Variants in HDAC3 observed in about 807,000 individuals in gnomAD.
HDAC3 encodes SMAP45.
In HDAC3, 21 loss-of-function variants were observed where a neutral mutation model predicts 62.3. The observed-to-expected ratio is 0.34, with a 90% CI of 0.24 to 0.49. The LOEUF is 0.49. HDAC3 is among the 20% of genes least tolerant of loss of function. The pLI is 0.99. For missense variants in HDAC3, 270 were observed against 556.9 expected (o/e 0.48, Z 5.19); for synonymous variants, 198 against 206.5 (o/e 0.96, Z 0.35).
At position 141,625,173 on chromosome 5, in the gene HDAC3, C is replaced by G; in HGVS notation, c.1217+35G>C. On this transcript the variant is annotated intron_variant, in intron 14 of 14. Coordinates refer to ENST00000305264, the MANE Select transcript of HDAC3 (RefSeq NM_003883.4). This position sits in a 1 kb window ranked among gnomAD's most constrained non-coding sequence, Gnocchi z 4.0. ...TCCCTTTTAAACCTCCCCAGCAAGC[C>G]TATTGAAAGTAGGCTGAAGTCCCTG... 2 of 1,571,018 alleles carry G rather than the reference C, an allele frequency of 1.3e-6. No homozygotes were observed. The highest frequency in any genetic ancestry group is 2.4e-5 in the South Asian group (2 of 84,608).
chr5:141,631,990 G>A (rs1399071295), intron 3 of HDAC3, among the ~76,000 whole-genome samples: 1 of 151,812 alleles, frequency 6.6e-6, no homozygotes, highest in African/African-American at 2.4e-5. Context: ...CTGGGCAGAG[G>A]GATTTATGGG....
At chr5:141,636,185 G>T in intron 2 of HDAC3, 1 of 271,926 alleles carries the variant, frequency 3.7e-6, no homozygotes, top group East Asian at 7.0e-5. Flanking sequence ...CTCACACCCT[G>T]ATACAGTGAT....
chr5:141,636,460 G>T, intron 2 of HDAC3, 88 bp downstream of exon 2: 1 of 1,179,738 alleles, frequency 8.5e-7, no homozygotes, highest in Non-Finnish European at 1.3e-6. Context: ...GGGGCGGGTC[G>T]CACTTCATGC....
intron 2 of HDAC3, chr5:141,636,285 GC>G (rs953447642): frequency 4.0e-5 from 21 of 528,998 alleles, no homozygotes; most frequent in African/African-American, 3.8e-4. Flanking sequence ...CTTCAAACCA[GC>G]CCCACATCAC....
chr5:141,625,379 A>G lies in HDAC3; in HGVS notation c.1060-14T>C. On this transcript the variant is annotated splice_polypyrimidine_tract_variant and intron_variant, in intron 13 of 14. Transcript: ENST00000305264. This position sits in a 1 kb window ranked among gnomAD's most constrained non-coding sequence, Gnocchi z 4.0. Reference sequence around the variant, plus strand: ...CTGGTCCAGATACTGGTTGGAAATGAGGAATACAGAGTGAGCAGTTTCCAG... The same window carrying G: ...CTGGTCCAGATACTGGTTGGAAATGGGGAATACAGAGTGAGCAGTTTCCAG... 1 of 1,613,682 alleles carries G rather than the reference A, an allele frequency of 6.2e-7. No homozygotes were observed. The highest frequency in any genetic ancestry group is 8.5e-7 in the Non-Finnish European group (1 of 1,179,820).
intron 14 of HDAC3, chr5:141,624,764 A>G (rs11741808): frequency 0.15 from 23,032 of 154,658 alleles, 1,766 homozygotes; most frequent in South Asian, 0.19. Context: ...AAGCAGATCT[A>G]TATTAGCTAG....
chr5:141,629,240 G>A lies in HDAC3; in HGVS notation c.543C>T (p.Phe181=). The change falls in exon 7 of 15, where the codon TTC becomes TTT. Residue 181 remains phenylalanine, a synonymous_variant. Transcript: ENST00000305264. The surrounding 1 kb of genome is among the most constrained non-coding windows in gnomAD (Gnocchi z 5.3). ...IHHGDGVQEA[F]YLTDRVMTVS... ...CCGTCATGACCCGGTCAGTGAGGTAGAAAGCTTCTTGAACCCCGTCACCAT... is the reference window on the plus strand; with the variant it reads ...CCGTCATGACCCGGTCAGTGAGGTAAAAAGCTTCTTGAACCCCGTCACCAT... The A allele has an allele frequency of 6.2e-7, 1 of 1,614,194 alleles. No homozygotes were observed. Among genetic ancestry groups the A allele is most frequent in the Admixed American group, 1.7e-5 (1 of 60,026 alleles).
At chr5:141,635,113 G>A (rs552876533) in intron 2 of HDAC3, 160 bp from the exon 3 acceptor site, 5 of 651,068 alleles carry the variant, frequency 7.7e-6, no homozygotes, top group South Asian at 2.3e-5. Flanking sequence ...CGATTAACCA[G>A]GTAAGTTATT....
intron 14 of HDAC3, among the ~76,000 whole-genome samples, chr5:141,624,089 C>T (rs532309102): frequency 1.3e-5 from 2 of 149,710 alleles, no homozygotes; most frequent in Non-Finnish European, 3.0e-5. Context: ...TTATCCCACC[C>T]GAAAAAATTA....
Position 141,626,893 on chromosome 5 carries a change from T to G in HDAC3, c.831-610A>C, listed in dbSNP as rs1488383783. ...TGGGCACCTAACCAACACCATGGCT[T>G]CCTAACTGGTCTTTCTACTTCCATC... On this transcript the variant is annotated intron_variant, in intron 10 of 14. Transcript: ENST00000305264. The surrounding 1 kb of genome is among the most constrained non-coding windows in gnomAD (Gnocchi z 4.6). 1.3e-5 allele frequency among the ~76,000 whole-genome samples: 2 copies of G among 151,352 alleles called. No individual in the cohort carries two copies. The highest frequency in any genetic ancestry group is 4.9e-5 in the African/African-American group (2 of 41,128).
chr5:141,625,065 A>G lies in HDAC3; in HGVS notation c.1217+143T>C. ...CGTGTTACTTTTGTCATTAAAAATA[A>G]CAAAGAAAAGAGTGAGGAAATTGTA... On this transcript the variant is annotated intron_variant, in intron 14 of 14. Coordinates refer to ENST00000305264, the MANE Select transcript of HDAC3 (RefSeq NM_003883.4). This position sits in a 1 kb window ranked among gnomAD's most constrained non-coding sequence, Gnocchi z 4.0. 1.2e-6 allele frequency: 1 copy of G among 807,416 alleles called. No individual in the cohort carries two copies. The highest frequency in any genetic ancestry group is 1.9e-5 in the South Asian group (1 of 51,396). 50.0% of individuals were successfully genotyped at this position (807,416 alleles called of 1,614,324 possible). A position where few individuals can be genotyped will look rare whatever the true frequency, so the allele number is the denominator to read the frequency against.
chr5:141,634,699 T>C, intron 3 of HDAC3, 112 bp downstream of exon 3: 1 of 970,960 alleles, frequency 1.0e-6, no homozygotes, highest in Non-Finnish European at 1.6e-6. Flanking sequence ...AAATGAATTA[T>C]GATGCATTGA....
Position 141,626,653 on chromosome 5 carries a change from G to A in HDAC3, c.831-370C>T, listed in dbSNP as rs1312329920. On this transcript the variant is annotated intron_variant, in intron 10 of 14. Coordinates refer to ENST00000305264, the MANE Select transcript of HDAC3 (RefSeq NM_003883.4). This position sits in a 1 kb window ranked among gnomAD's most constrained non-coding sequence, Gnocchi z 4.6. ...AGCTACTCAGGAGGCTGAGGCAGGA[G>A]AAATGCTTGAACCCAGGAGGCAGAG... is the stretch of plus-strand genomic sequence containing the variant. Among the ~76,000 whole-genome samples, 3 of 151,758 alleles carry A rather than the reference G, an allele frequency of 2.0e-5. No homozygotes were observed. The highest frequency in any genetic ancestry group is 6.6e-5 in the Admixed American group (1 of 15,226).
rs753576655 is a variant in HDAC3 at position 141,629,780 on chromosome 5, C to T, written c.421-41G>A. ...GGTCTCATAAAGAGAAGAGCAATTCCCCTCCCAGCTGCCCCCCACCATCAT... is the reference window on the plus strand; with the variant it reads ...GGTCTCATAAAGAGAAGAGCAATTCTCCTCCCAGCTGCCCCCCACCATCAT... On this transcript the variant is annotated intron_variant, in intron 5 of 14. Transcript: ENST00000305264. This position sits in a 1 kb window ranked among gnomAD's most constrained non-coding sequence, Gnocchi z 5.3. 6.2e-6 allele frequency: 10 copies of T among 1,612,350 alleles called. No homozygotes were observed. The highest frequency in any genetic ancestry group is 7.6e-6 in the Non-Finnish European group (9 of 1,178,554).
At chr5:141,622,631 A>G (rs1307804639) in intron 14 of HDAC3, among the ~76,000 whole-genome samples, 2 of 152,042 alleles carry the variant, frequency 1.3e-5, no homozygotes, top group Non-Finnish European at 2.9e-5. Context: ...AAGAAAAAGT[A>G]TTCTCTGGGA....
intron 14 of HDAC3, among the ~76,000 whole-genome samples, chr5:141,624,046 T>TA (rs61366287): frequency 0.028 from 3,750 of 135,760 alleles, 52 homozygotes; most frequent in African/African-American, 0.032. Flanking sequence ...TAAAGACTTT[T>TA]AAAAAAAAAA....
rs1167147646 is a variant in HDAC3 at position 141,626,782 on chromosome 5, G to GTATATA, written c.831-500_831-499insTATATA. Among the ~76,000 whole-genome samples, 5 of 126,390 alleles carry GTATATA rather than the reference G, an allele frequency of 4.0e-5. No homozygotes were observed. Among genetic ancestry groups the GTATATA allele is most frequent in the African/African-American group, 6.0e-5 (2 of 33,218 alleles). The allele number at this position is 126,390 out of a possible 152,430, so 82.9% of individuals were successfully genotyped here. On this transcript the variant is annotated intron_variant, in intron 10 of 14. Transcript: ENST00000305264. This position sits in a 1 kb window ranked among gnomAD's most constrained non-coding sequence, Gnocchi z 4.6. The stretch of plus-strand genomic sequence containing the variant: ...AAAACATATATATGTGTGTGTGTGT[G>GTATATA]TGTATATATATATATATACACACAC...
chr5:141,625,797 C>T lies in HDAC3; in HGVS notation c.980-33G>A. 1 of 1,588,808 alleles carries T rather than the reference C, an allele frequency of 6.3e-7. No individual in the cohort carries two copies. The highest frequency in any genetic ancestry group is 8.6e-7 in the Non-Finnish European group (1 of 1,156,918). ...AGGAGAGGAGAAAGTATGGCTCAGA[C>T]TGAGAAAGGCAGCTAACAAGACTTC... is the stretch of plus-strand genomic sequence containing the variant. On this transcript the variant is annotated intron_variant, in intron 12 of 14. Coordinates refer to ENST00000305264, the MANE Select transcript of HDAC3 (RefSeq NM_003883.4). The surrounding 1 kb of genome is among the most constrained non-coding windows in gnomAD (Gnocchi z 4.0).
chr5:141,634,661 CAATA>C, intron 3 of HDAC3, 146 bp downstream of exon 3: 1 of 857,826 alleles, frequency 1.2e-6, no homozygotes, highest in Non-Finnish European at 1.8e-6. Flanking sequence ...AACAAGTGAC[CAATA>C]AATATTTATT....
Sources: gnomAD v4.1 joint callset for allele counts (sites outside exome capture counted in the v4.1 genomes callset) on GRCh38, gnomAD v4.1.1 for gene constraint, Gnocchi (gnomAD v3.1) non-coding constraint, MANE v1.5 for transcripts, NCBI Gene and HGNC (gene_info 2026-07-23, HGNC 2026-07-21) for gene names.